The following TPTE variants were observed in gnomAD, a reference collection of about 807,000 sequenced individuals.
TPTE encodes the protein putative tyrosine-protein phosphatase TPTE.
TPTE carries 59 observed loss-of-function variants against 84.1 expected under a neutral mutation model. The ratio of observed to expected loss-of-function variants is 0.70; its 90% CI spans 0.57 to 0.87. The LOEUF is 0.87. Among genes scored for constraint, TPTE ranks in the 40% least tolerant of loss-of-function variants. TPTE has a pLI of 0.00. For missense variants in TPTE, 382 were observed against 659.6 expected, an observed-to-expected ratio of 0.58 and a Z score of 4.61; for synonymous variants, 130 against 223.5, an observed-to-expected ratio of 0.58 and a Z score of 3.73.
intron 7 of TPTE, among the ~76,000 whole-genome samples, chr21:10,544,162 A>T (rs1284514319): frequency 6.6e-6 from 1 of 152,214 alleles, no homozygotes; most frequent in Non-Finnish European, 1.5e-5. Flanking sequence ...TTATAGTGTA[A>T]TGCTCAAGAA....
intron 3 of TPTE, among the ~76,000 whole-genome samples, chr21:10,532,739 A>G (rs927273444): frequency 2.6e-5 from 4 of 152,302 alleles, no homozygotes; most frequent in Non-Finnish European, 5.9e-5. Flanking sequence ...CCCTTTTAAC[A>G]TAAGAGGCAT....
At chr21:10,528,767 T>C (rs368160923) in intron 3 of TPTE, among the ~76,000 whole-genome samples, 1,886 of 151,648 alleles carry the variant, frequency 0.012, no homozygotes, top group South Asian at 0.064. Flanking sequence ...CTGCTGTTGT[T>C]ACTATTCCCT....
intron 8 of TPTE, among the ~76,000 whole-genome samples, chr21:10,557,860 A>G (rs2074714099): frequency 6.6e-6 from 1 of 152,296 alleles, no homozygotes; most frequent in African/African-American, 2.4e-5. Flanking sequence ...TCCAGGTATT[A>G]AGCTCAGTAC....
At chr21:10,534,246 G>C (rs543288544) in intron 3 of TPTE, among the ~76,000 whole-genome samples, 152 of 152,364 alleles carry the variant, frequency 1.0e-3, no homozygotes, top group African/African-American at 3.5e-3. Context: ...TCTCTGGTTT[G>C]TAACCTGGGC....
intron 7 of TPTE, among the ~76,000 whole-genome samples, chr21:10,546,911 G>A (rs1281711109): frequency 6.6e-6 from 1 of 152,308 alleles, no homozygotes; most frequent in Non-Finnish European, 1.5e-5. Context: ...GCAGCAGCAA[G>A]TTATCCAGAA....
intron 14 of TPTE, among the ~76,000 whole-genome samples, chr21:10,577,043 C>T (rs2075169832): frequency 6.6e-6 from 1 of 152,308 alleles, no homozygotes; most frequent in African/African-American, 2.4e-5. Flanking sequence ...CATTTGTTTA[C>T]ATAGTGCTTA....
intron 7 of TPTE, among the ~76,000 whole-genome samples, chr21:10,544,169 A>G (rs1322454210): frequency 6.6e-6 from 1 of 151,956 alleles, no homozygotes; most frequent in South Asian, 2.1e-4. Context: ...GTAATGCTCA[A>G]GAAACCTTGC....
intron 17 of TPTE, among the ~76,000 whole-genome samples, chr21:10,579,004 T>C (rs1259911825): frequency 6.6e-6 from 1 of 152,310 alleles, no homozygotes; most frequent in Non-Finnish European, 1.5e-5. Context: ...AACCAATATA[T>C]TTATGGTGTA....
At chr21:10,546,323 G>A (rs2074466840) in intron 7 of TPTE, among the ~76,000 whole-genome samples, 1 of 152,310 alleles carries the variant, frequency 6.6e-6, no homozygotes, top group Non-Finnish European at 1.5e-5. Flanking sequence ...TGTTTGTTGT[G>A]ACTGCTCCAC....
At chr21:10,546,247 T>G (rs1276000405) in intron 7 of TPTE, among the ~76,000 whole-genome samples, 1 of 152,312 alleles carries the variant, frequency 6.6e-6, no homozygotes, top group Non-Finnish European at 1.5e-5. Context: ...TTGATGTTAC[T>G]ATTGTAATTG....
rs1353676205 is a variant in TPTE, at chr21:10,543,330, C to T, written c.121C>T (p.Pro41Ser). 1 of 1,613,932 alleles carries T rather than the reference C, an allele frequency of 6.2e-7. No individual in the cohort carries two copies. The highest frequency in any genetic ancestry group is 1.1e-5 in the South Asian group (1 of 91,078). ...CTGTATTCTTTTATCATCCTCTAGC[C>T]CACACACAAGTGAATTTAAAGGAGC... is the stretch of plus-strand genomic sequence containing the variant. Reference protein sequence around the residue: ...ATEEAPAKESPHTSEFKGAAR... With the variant: ...ATEEAPAKESSHTSEFKGAAR... The change falls in exon 7 of 24, where the codon CCA (proline) becomes TCA (serine). Residue 41 changes from proline to serine, a missense_variant and splice_region_variant. Physicochemically the swap from Pro to Ser is moderately conservative, Grantham distance 74 (BLOSUM62 -1). This residue lies in a region of TPTE where 7 missense variants were observed against 19.0 expected (regional missense o/e 0.37). Coordinates refer to ENST00000618007, the MANE Select transcript of TPTE (RefSeq NM_199261.4).
At chr21:10,529,371 CAGG>C (rs1239828728) in intron 3 of TPTE, among the ~76,000 whole-genome samples, 1 of 152,306 alleles carries the variant, frequency 6.6e-6, no homozygotes, top group Admixed American at 6.5e-5. Flanking sequence ...CCATTTTCAC[CAGG>C]AGGACTTAAT....
chr21:10,577,229 T>A (rs1340211474), intron 14 of TPTE, among the ~76,000 whole-genome samples: 1 of 152,308 alleles, frequency 6.6e-6, no homozygotes, highest in African/African-American at 2.4e-5. Flanking sequence ...TTAAACAGTG[T>A]GCATTTACAA....
chr21:10,554,064 A>G (rs895433028), intron 8 of TPTE, among the ~76,000 whole-genome samples: 2 of 152,296 alleles, frequency 1.3e-5, no homozygotes, highest in Admixed American at 1.3e-4. Context: ...CTTTAAGCAT[A>G]TACTTTTTTT....
intron 14 of TPTE, among the ~76,000 whole-genome samples, chr21:10,577,103 TTAAA>T (rs1426900892): frequency 3.9e-5 from 6 of 152,286 alleles, no homozygotes; most frequent in Admixed American, 3.9e-4. Flanking sequence ...CTATTCAGAA[TTAAA>T]TAAGAACGAA....
intron 9 of TPTE, among the ~76,000 whole-genome samples, chr21:10,560,628 A>G (rs1470189713): frequency 4.6e-5 from 7 of 152,306 alleles, no homozygotes; most frequent in African/African-American, 1.4e-4. Context: ...TTATTAATAA[A>G]TTCTTTAGAA....
intron 7 of TPTE, among the ~76,000 whole-genome samples, chr21:10,545,788 CAT>C (rs2074455606): frequency 6.6e-6 from 1 of 151,754 alleles, no homozygotes; most frequent in African/African-American, 2.4e-5. Flanking sequence ...TACATGTCTA[CAT>C]ATGTGCATAT....
chr21:10,528,085 A>T (rs1456039345), intron 3 of TPTE, among the ~76,000 whole-genome samples: 1 of 152,308 alleles, frequency 6.6e-6, no homozygotes, highest in East Asian at 1.9e-4. Context: ...TTACCAACAC[A>T]TAGAGACTTC....
At chr21:10,524,157 G>A (rs370313821) in intron 1 of TPTE, among the ~76,000 whole-genome samples, 2 of 152,304 alleles carry the variant, frequency 1.3e-5, no homozygotes, top group East Asian at 3.8e-4. Flanking sequence ...AGACCTAGAG[G>A]TGAGGTCTCT....
Sources: gnomAD v4.1 joint callset for allele counts (sites outside exome capture counted in the v4.1 genomes callset) on GRCh38, gnomAD v4.1.1 for gene constraint, gnomAD v4.1.1 regional missense constraint, MANE v1.5 for transcripts, NCBI Gene and HGNC (gene_info 2026-07-23, HGNC 2026-07-21) for gene names.